The following OR2V1 variants were observed in gnomAD, a reference collection of about 807,000 sequenced individuals.
OR2V1 encodes olfactory receptor family 2 subfamily V member 1.
In OR2V1, 18 loss-of-function variants were observed where a neutral mutation model predicts 15.0. The observed-to-expected ratio is 1.20, with a 90% CI of 0.83 to 1.78. The LOEUF (loss-of-function observed/expected upper bound fraction) is 1.78, where lower values mean the gene tolerates loss of function less well. OR2V1 is among the 40% of genes most tolerant of loss of function. OR2V1 has a pLI of 0.00. For missense variants in OR2V1, 359 were observed against 392.9 expected, an observed-to-expected ratio of 0.91 and a Z score of 0.73; for synonymous variants, 144 against 146.1, an observed-to-expected ratio of 0.99 and a Z score of 0.10.
rs752116277 is a variant in OR2V1, at chr5:181,124,888, C to G, written c.417G>C (p.Gln139His). The G allele has an allele frequency of 6.2e-7, 1 of 1,612,816 alleles. No homozygotes were observed. The highest frequency in any genetic ancestry group is 8.5e-7 in the Non-Finnish European group (1 of 1,179,442). ...TCCCAGTAATCTGGAGACAGACCCT[C>G]TGATTCATGAGGATGGGATAGTGAA... ...HPLHYPILMN[Q>H]RVCLQITGSS... Residue 139 changes from glutamine (Q) to histidine (H), a missense_variant, in exon 4 of 4, where the codon CAG (glutamine) becomes CAC (histidine). Coordinates refer to ENST00000641551, the MANE Select transcript of OR2V1 (RefSeq NM_001258283.2).
intron 3 of OR2V1, among the ~76,000 whole-genome samples, chr5:181,127,217 G>T (rs1561623805): frequency 6.6e-6 from 1 of 152,224 alleles, no homozygotes; most frequent in Non-Finnish European, 1.5e-5. Context: ...AATGGTGCCT[G>T]GCTCATAGCG....
At chr5:181,127,261 T>C (rs1427034465) in intron 3 of OR2V1, among the ~76,000 whole-genome samples, 1 of 152,148 alleles carries the variant, frequency 6.6e-6, no homozygotes, top group African/African-American at 2.4e-5. Context: ...CTGAACAAAA[T>C]AATATGTGAT....
chr5:181,125,089 G>A lies in OR2V1; in HGVS notation c.216C>T (p.Leu72=). ...FFLSQLSLMD[L]MLVCNIVPKM... ...TTGGCACAATGTTACAGACCAACAT[G>A]AGGTCCATGAGGGAGAGCTGGCTGA... The change falls in exon 4 of 4, where the codon CTC becomes CTT. Residue 72 remains leucine (L), a synonymous_variant. Transcript: ENST00000641551. 1 of 1,614,238 alleles carries A rather than the reference G, an allele frequency of 6.2e-7. No individual in the cohort carries two copies. Among genetic ancestry groups the A allele is most frequent in the Non-Finnish European group, 8.5e-7 (1 of 1,180,054 alleles).
chr5:181,128,355 A>T (rs545595298), intron 3 of OR2V1, among the ~76,000 whole-genome samples: 1 of 152,218 alleles, frequency 6.6e-6, no homozygotes, highest in South Asian at 2.1e-4. Context: ...CCCCAACTGC[A>T]TTTGCCTCCC....
chr5:181,127,139 G>A (rs1417214315), intron 3 of OR2V1, among the ~76,000 whole-genome samples: 2 of 152,222 alleles, frequency 1.3e-5, no homozygotes, highest in Non-Finnish European at 2.9e-5. Flanking sequence ...TATTTGGACC[G>A]TCCCCGTCTG....
rs10532191 is a variant in OR2V1 at position 181,126,420 on chromosome 5, CCACACACA to C, written c.-21-1103_-21-1096del. Among the ~76,000 whole-genome samples the C allele has an allele frequency of 1.1e-3, 156 of 141,010 alleles. 1 individual carries two copies. The South Asian group carries it at 0.014, about 12-fold the overall frequency. The allele number at this position is 141,010 out of a possible 152,430, so 92.5% of individuals were successfully genotyped here. On this transcript the variant is annotated intron_variant, in intron 3 of 3. Coordinates refer to ENST00000641551, the MANE Select transcript of OR2V1 (RefSeq NM_001258283.2). ...GGCAAGCAAAGCCCTACATCACACA[CCACACACA>C]CACACACACACACACACACACACAC...
intron 3 of OR2V1, among the ~76,000 whole-genome samples, chr5:181,126,465 CACAG>C (rs1308118700): frequency 3.3e-5 from 5 of 151,278 alleles, no homozygotes; most frequent in Non-Finnish European, 5.9e-5. Context: ...CACAGAGACA[CACAG>C]ACAGACACTA....
In OR2V1 at chr5:181,125,164, G is replaced by A; in HGVS notation, c.141C>T (p.Ile47=). 4 of 1,614,158 alleles carry A rather than the reference G, an allele frequency of 2.5e-6. No homozygotes were observed. Among genetic ancestry groups the A allele is most frequent in the Admixed American group, 1.7e-5 (1 of 60,028 alleles). Residue 47 remains isoleucine, a synonymous_variant, in exon 4 of 4, where the codon ATC becomes ATT. Coordinates refer to ENST00000641551, the MANE Select transcript of OR2V1 (RefSeq NM_001258283.2). The stretch of plus-strand genomic sequence containing the variant: ...GTCCAGCGTCCAGGTAGATGAGGAA[G>A]ATGAGGAGGACATTCCCACAGAGGG... The part of the protein sequence containing the change: ...TVALCGNVLL[I]FLIYLDAGLH...
chr5:181,128,879 C>T (rs1000278002), intron 3 of OR2V1, among the ~76,000 whole-genome samples: 4 of 152,136 alleles, frequency 2.6e-5, no homozygotes, highest in African/African-American at 7.2e-5. Flanking sequence ...CCCTGGCTCC[C>T]GGAACAGGGT....
chr5:181,126,245 G>C (rs1235230409), intron 3 of OR2V1, among the ~76,000 whole-genome samples: 2 of 152,040 alleles, frequency 1.3e-5, no homozygotes, highest in Non-Finnish European at 2.9e-5. Context: ...CTCTTCCCTG[G>C]TCTCCCAGCT....
At chr5:181,126,765 T>C (rs139398576) in intron 3 of OR2V1, among the ~76,000 whole-genome samples, 1 of 151,450 alleles carries the variant, frequency 6.6e-6, no homozygotes, top group Non-Finnish European at 1.5e-5. Context: ...CATACACAAA[T>C]ACAGACATAT....
intron 3 of OR2V1, among the ~76,000 whole-genome samples, chr5:181,127,987 T>A (rs1210894865): frequency 6.6e-6 from 1 of 151,924 alleles, no homozygotes; most frequent in East Asian, 1.9e-4. Context: ...GCATGGTTCC[T>A]TTGCACTCAG....
In OR2V1 at chr5:181,125,281, G is replaced by C. The variant is rs142575121; in HGVS notation, c.24C>G (p.Ser8=). The C allele has an allele frequency of 6.2e-7, 1 of 1,613,192 alleles. No homozygotes were observed. The highest frequency in any genetic ancestry group is 8.5e-7 in the Non-Finnish European group (1 of 1,179,760). Residue 8 remains serine (S), a synonymous_variant, in exon 4 of 4, where the codon TCC becomes TCG. Transcript: ENST00000641551. ...CCAAGAGGAAGAAGCCATCTGTGTA[G>C]GACTGGTTCACCCATCTTCCCATGG... The part of the protein sequence containing the change: MGRWVNQ[S]YTDGFFLLGI...
At chr5:181,126,751 G>C (rs901323330) in intron 3 of OR2V1, among the ~76,000 whole-genome samples, 14 of 151,624 alleles carry the variant, frequency 9.2e-5, no homozygotes, top group Admixed American at 9.2e-4. Context: ...CACACACACA[G>C]AGTCATACAC....
intron 3 of OR2V1, among the ~76,000 whole-genome samples, chr5:181,127,521 G>T (rs928125502): frequency 6.6e-6 from 1 of 152,134 alleles, no homozygotes; most frequent in African/African-American, 2.4e-5. Flanking sequence ...GTTAAATGAG[G>T]CTGCTCCACG....
Position 181,124,547 on chromosome 5 carries a change from T to C in OR2V1, c.758A>G (p.Tyr253Cys), listed in dbSNP as rs749857678. ...CAGGTACATGAACATGGCTGCCCCATAGAAGAGGGTGACAGCTGTTAGGTG... is the reference window on the plus strand; with the variant it reads ...CAGGTACATGAACATGGCTGCCCCACAGAAGAGGGTGACAGCTGTTAGGTG... ...SSHLTAVTLFYGAAMFMYLRP... is the reference protein window; with the variant it reads ...SSHLTAVTLFCGAAMFMYLRP... The change falls in exon 4 of 4, where the codon TAT becomes TGT. Residue 253 changes from tyrosine (Y) to cysteine (C), a missense_variant. Coordinates refer to ENST00000641551, the MANE Select transcript of OR2V1 (RefSeq NM_001258283.2). The C allele has an allele frequency of 1.2e-6, 2 of 1,613,178 alleles. No individual in the cohort carries two copies. The highest frequency in any genetic ancestry group is 1.1e-5 in the South Asian group (1 of 90,986).
In OR2V1 at chr5:181,124,166, G is replaced by C. The variant is rs1016144054; in HGVS notation, c.*191C>G. Reference sequence around the variant, plus strand: ...TTACAAAATCCCTCAGAGCACGAGTGTCCTGATTATCTTTTTTTCCTTTTT... The same window carrying C: ...TTACAAAATCCCTCAGAGCACGAGTCTCCTGATTATCTTTTTTTCCTTTTT... On this transcript the variant is annotated 3_prime_UTR_variant, in exon 4 of 4. Transcript: ENST00000641551. 2 of 483,172 alleles carry C rather than the reference G, an allele frequency of 4.1e-6. No homozygotes were observed. The highest frequency in any genetic ancestry group is 1.9e-5 in the African/African-American group (1 of 51,496). 29.9% of individuals were successfully genotyped at this position (483,172 alleles called of 1,614,324 possible).
In OR2V1 at chr5:181,127,611, A is replaced by C. The variant is rs147896022; in HGVS notation, c.-22+1909T>G. 7.5e-4 allele frequency among the ~76,000 whole-genome samples: 114 copies of C among 152,216 alleles called. 2 individuals carry two copies. The East Asian group carries it at 0.015, about 20-fold the overall frequency. ...CCTGCCCAGGCCCAGGACCCTGGAG[A>C]TGGCTGCTTGATCTGTGGCCCTAGG... On this transcript the variant is annotated intron_variant, in intron 3 of 3. Coordinates refer to ENST00000641551, the MANE Select transcript of OR2V1 (RefSeq NM_001258283.2).
intron 3 of OR2V1, among the ~76,000 whole-genome samples, chr5:181,128,192 TCACACACACACA>T (rs34343246): frequency 7.3e-5 from 3 of 41,332 alleles, no homozygotes; most frequent in African/African-American, 1.0e-4. Context: ...TGTCCTCTCC[TCACACACACACA>T]CACACACACA....
Sources: gnomAD v4.1 joint callset for allele counts (sites outside exome capture counted in the v4.1 genomes callset) on GRCh38, gnomAD v4.1.1 for gene constraint, MANE v1.5 for transcripts, NCBI Gene and HGNC (gene_info 2026-07-23, HGNC 2026-07-21) for gene names.